The following RCAN3 variants were observed in gnomAD, a reference collection of about 807,000 sequenced individuals.
The protein encoded by RCAN3 is calcipressin-3.
In RCAN3, 19 loss-of-function variants were observed where a neutral mutation model predicts 21.9. The ratio of observed to expected loss-of-function variants is 0.87; its 90% CI spans 0.61 to 1.27. RCAN3 has a LOEUF of 1.27. RCAN3 is among the 50% of genes most tolerant of loss of function. The pLI is 0.00. For synonymous variants in RCAN3, 114 were observed against 112.3 expected, an observed-to-expected ratio of 1.01 and a Z score of -0.09; for missense variants, 240 against 300.1, an observed-to-expected ratio of 0.80 and a Z score of 1.48.
intron 2 of RCAN3, among the ~76,000 whole-genome samples, chr1:24,528,016 T>C (rs1005848945): frequency 6.6e-6 from 1 of 151,986 alleles, no homozygotes. Context: ...ATAAAATAAT[T>C]TGTGCTCAGA....
intron 2 of RCAN3, among the ~76,000 whole-genome samples, chr1:24,523,648 A>ATATATATTTTT (rs113786883): frequency 2.1e-5 from 3 of 139,706 alleles, no homozygotes; most frequent in African/African-American, 9.3e-5. Flanking sequence ...ACACATATAT[A>ATATATATTTTT]TTTTTTTTCT....
Position 24,525,845 on chromosome 1 carries a change from CTG to C in RCAN3, c.196-5370_196-5369del, listed in dbSNP as rs988480006. On this transcript the variant is annotated intron_variant, in intron 2 of 4. Coordinates refer to ENST00000374395, the MANE Select transcript of RCAN3 (RefSeq NM_013441.4). The surrounding 1 kb of genome is among the most constrained non-coding windows in gnomAD (Gnocchi z 4.1). ...GCCTCAGGAATCTACATGGGGATGT[CTG>C]TGGACTCACAGAAGGGCAAAGCTAC... Among the ~76,000 whole-genome samples the C allele has an allele frequency of 2.6e-5, 4 of 152,128 alleles. No homozygotes were observed. The highest frequency in any genetic ancestry group is 6.6e-5 in the Admixed American group (1 of 15,266).
rs538916294 is a variant in RCAN3 at position 24,520,119 on chromosome 1, T to A, written c.195+5552T>A. ...AGAATCCTTTAAGGAAAGTGATGTT[T>A]TAAATTTGGGAATTAAAAAAGAGGA... On this transcript the variant is annotated intron_variant, in intron 2 of 4. Transcript: ENST00000374395. Among the ~76,000 whole-genome samples, 8 of 152,344 alleles carry A rather than the reference T, an allele frequency of 5.3e-5. No individual in the cohort carries two copies. In the South Asian group the frequency reaches 8.3e-4, roughly 16 times the overall value.
chr1:24,505,110 A>G (rs982509685), intron 1 of RCAN3, among the ~76,000 whole-genome samples: 3 of 151,612 alleles, frequency 2.0e-5, no homozygotes, highest in Non-Finnish European at 4.4e-5. Flanking sequence ...GTACAGTTCT[A>G]CCTGTAAGTG....
chr1:24,531,546 A>G (rs756129790), intron 3 of RCAN3, among the ~76,000 whole-genome samples, 155 bp downstream of exon 3: 13 of 152,158 alleles, frequency 8.5e-5, no homozygotes, highest in Non-Finnish European at 1.3e-4. Flanking sequence ...CCTTTATTTT[A>G]TAGATACATA....
chr1:24,535,551 A>C lies in RCAN3; in HGVS notation c.*274A>C. 1 of 331,808 alleles carries C rather than the reference A, an allele frequency of 3.0e-6. No individual in the cohort carries two copies. The highest frequency in any genetic ancestry group is 4.7e-5 in the East Asian group (1 of 21,362). The allele number at this position is 331,808 out of a possible 1,614,324, so 20.6% of individuals were successfully genotyped here. A position where few individuals can be genotyped will look rare whatever the true frequency, so the allele number is the denominator to read the frequency against. On this transcript the variant is annotated 3_prime_UTR_variant, in exon 5 of 5. Coordinates refer to ENST00000374395, the MANE Select transcript of RCAN3 (RefSeq NM_013441.4). The stretch of plus-strand genomic sequence containing the variant: ...CTTAACCATTTTTAAATAGTAACAA[A>C]TTAGGAAAACAGCTCCCCTCCCCTC...
At chr1:24,506,469 A>G (rs934833606) in intron 1 of RCAN3, among the ~76,000 whole-genome samples, 7 of 152,178 alleles carry the variant, frequency 4.6e-5, no homozygotes, top group Non-Finnish European at 8.8e-5. Context: ...TAATTATCCT[A>G]TGGGTTATAT....
At chr1:24,505,211 G>GTTTTTTTTTTTGTTTTT (rs796108173) in intron 1 of RCAN3, among the ~76,000 whole-genome samples, 1 of 89,706 alleles carries the variant, frequency 1.1e-5, no homozygotes, top group Non-Finnish European at 2.6e-5. Flanking sequence ...TTGTTGCTTT[G>GTTTTTTTTTTTGTTTTT]TTTTTTTTTT....
In RCAN3 at chr1:24,514,393, A is replaced by G; in HGVS notation, c.21A>G (p.Lys7=). The part of the protein sequence containing the change: MLRDTM[K]SWNDSQSDLC... ...GGATAATGCTGAGGGACACTATGAA[A>G]TCTTGGAATGATAGCCAGTCAGATC... is the stretch of plus-strand genomic sequence containing the variant. Residue 7 remains lysine (K), a synonymous_variant, in exon 2 of 5, where the codon AAA becomes AAG. Transcript: ENST00000374395. 1 of 1,613,794 alleles carries G rather than the reference A, an allele frequency of 6.2e-7. No individual in the cohort carries two copies.
chr1:24,511,469 G>A (rs930156118), intron 1 of RCAN3, among the ~76,000 whole-genome samples: 3 of 152,104 alleles, frequency 2.0e-5, no homozygotes, highest in African/African-American at 7.2e-5. Context: ...GAACACCCAT[G>A]TGTATTGGTG....
rs1248278273 is a variant in RCAN3, at chr1:24,539,773, T to A, written c.*4496T>A. 3 of 152,236 alleles carry A rather than the reference T, an allele frequency of 2.0e-5. No homozygotes were observed. The highest frequency in any genetic ancestry group is 7.2e-5 in the African/African-American group (3 of 41,466). The allele number at this position is 152,236 out of a possible 1,614,324, so 9.4% of individuals were successfully genotyped here. On this transcript the variant is annotated 3_prime_UTR_variant, in exon 5 of 5. Transcript: ENST00000374395. ...TCAGGCCCTCTGTCTACCAGGTTTC[T>A]CCCCTTTCTGCAGAGCTGTGGACCC... is the stretch of plus-strand genomic sequence containing the variant.
intron 2 of RCAN3, among the ~76,000 whole-genome samples, chr1:24,530,196 A>G (rs1400599770): frequency 6.6e-6 from 1 of 151,696 alleles, no homozygotes; most frequent in Non-Finnish European, 1.5e-5. Flanking sequence ...TCTACTAAAA[A>G]TACAAAAAAT....
Position 24,539,459 on chromosome 1 carries a change from T to C in RCAN3, c.*4182T>C, listed in dbSNP as rs1650395317. The C allele has an allele frequency of 6.6e-6, 1 of 152,248 alleles. No homozygotes were observed. Among genetic ancestry groups the C allele is most frequent in the East Asian group, 1.9e-4 (1 of 5,206 alleles). 9.4% of individuals were successfully genotyped at this position (152,248 alleles called of 1,614,324 possible). ...ATTATGTTGGTATTTTATGTGGGCCTTCCCAGATTTTCATATTAATGAAAT... is the reference window on the plus strand; with the variant it reads ...ATTATGTTGGTATTTTATGTGGGCCCTCCCAGATTTTCATATTAATGAAAT... On this transcript the variant is annotated 3_prime_UTR_variant, in exon 5 of 5. Coordinates refer to ENST00000374395, the MANE Select transcript of RCAN3 (RefSeq NM_013441.4).
chr1:24,511,450 G>A (rs553250054), intron 1 of RCAN3, among the ~76,000 whole-genome samples: 17 of 148,924 alleles, frequency 1.1e-4, no homozygotes, highest in Admixed American at 4.6e-4. Flanking sequence ...ACGTGTATTC[G>A]TTGATTAAGA....
intron 2 of RCAN3, among the ~76,000 whole-genome samples, chr1:24,522,008 G>A (rs1363744753): frequency 6.6e-6 from 1 of 152,106 alleles, no homozygotes; most frequent in East Asian, 1.9e-4. Context: ...CAGTAAGACT[G>A]TACTTAATAC....
rs1650337102 is a variant in RCAN3, at chr1:24,538,363, A to T, written c.*3086A>T. Reference sequence around the variant, plus strand: ...GCTTCAAGGAACTTTTAAGTTCAACATAAAGGTTTAAATAAAATATTTTTT... The same window carrying T: ...GCTTCAAGGAACTTTTAAGTTCAACTTAAAGGTTTAAATAAAATATTTTTT... On this transcript the variant is annotated 3_prime_UTR_variant, in exon 5 of 5. Coordinates refer to ENST00000374395, the MANE Select transcript of RCAN3 (RefSeq NM_013441.4). 6.6e-6 allele frequency: 1 copy of T among 152,096 alleles called. No homozygotes were observed. The highest frequency in any genetic ancestry group is 2.4e-5 in the African/African-American group (1 of 41,446). The allele number at this position is 152,096 out of a possible 1,614,324, so 9.4% of individuals were successfully genotyped here. A position where few individuals can be genotyped will look rare whatever the true frequency, so the allele number is the denominator to read the frequency against.
chr1:24,523,618 A>T (rs561961741), intron 2 of RCAN3, among the ~76,000 whole-genome samples: 22 of 138,356 alleles, frequency 1.6e-4, no homozygotes, highest in African/African-American at 6.6e-4. Context: ...ACACACACAC[A>T]CACACACACA....
intron 2 of RCAN3, among the ~76,000 whole-genome samples, chr1:24,515,075 A>C (rs1648195095): frequency 6.6e-6 from 1 of 152,174 alleles, no homozygotes; most frequent in Non-Finnish European, 1.5e-5. Context: ...ATGTTTCAAA[A>C]CCAGTTCTTC....
chr1:24,514,020 G>C (rs1481674748), intron 1 of RCAN3, among the ~76,000 whole-genome samples: 1 of 152,136 alleles, frequency 6.6e-6, no homozygotes, highest in African/African-American at 2.4e-5. Flanking sequence ...AATACATATT[G>C]ATATGATCTC....
Sources: allele counts gnomAD v4.1 joint callset (sites outside exome capture counted in the v4.1 genomes callset), GRCh38; gene constraint gnomAD v4.1.1; non-coding constraint Gnocchi (gnomAD v3.1); transcripts MANE v1.5; gene names NCBI Gene and HGNC (gene_info 2026-07-23, HGNC 2026-07-21).